Variants in PKHD1 observed in about 807,000 individuals in gnomAD.
The protein encoded by PKHD1 is fibrocystin.
A neutral mutation model predicts 412.0 loss-of-function variants in PKHD1; 291 were observed. The observed-to-expected ratio is 0.71, with a 90% confidence interval of 0.64 to 0.78. The LOEUF (loss-of-function observed/expected upper bound fraction) is 0.78. Ranked by LOEUF, PKHD1 falls within the 30% of genes least tolerant of loss-of-function variation. The pLI, the probability that PKHD1 is intolerant of heterozygous loss-of-function variation, is 0.00. For synonymous variants in PKHD1, 1,777 were observed against 1,821.5 expected (o/e 0.98, Z 0.62); for missense variants, 4,825 against 4,950.7 (o/e 0.97, Z 0.76).
chr6:52,052,994 TA>T, intron 21 of PKHD1, 81 bp downstream of exon 21: 53 of 1,313,576 alleles, frequency 4.0e-5, no homozygotes, highest in Non-Finnish European at 4.7e-5. Flanking sequence ...CTCTCCTCAT[TA>T]AAAAAAACAG....
At chr6:51,863,251 G>GTA (rs3062526) in intron 48 of PKHD1, among the ~76,000 whole-genome samples, 61,025 of 151,830 alleles carry the variant, frequency 0.4, 13,445 homozygotes, top group East Asian at 0.85. Context: ...AACATGTACT[G>GTA]TATATATGTC....
chr6:52,074,550 C>T (rs1811080978), intron 6 of PKHD1, among the ~76,000 whole-genome samples: 1 of 152,166 alleles, frequency 6.6e-6, no homozygotes, highest in African/African-American at 2.4e-5. Context: ...TTGACAGGCA[C>T]AATTTTAAAA....
intron 35 of PKHD1, among the ~76,000 whole-genome samples, chr6:51,964,791 CT>C (rs578099185): frequency 6.6e-6 from 1 of 151,840 alleles, no homozygotes. Context: ...CTTTATTTAC[CT>C]TTTTTGTGAC....
In PKHD1 at chr6:51,747,911, A is replaced by T. The variant is rs759568939; in HGVS notation, c.9705T>A (p.Asn3235Lys). 102 of 1,613,946 alleles carry T rather than the reference A, an allele frequency of 6.3e-5. 3 individuals are homozygous for T. In the South Asian group the frequency reaches 8.9e-4, roughly 14 times the overall value. ...NLTSTDRAPS[N>K]PRGGRIGILW... ...GAATACCAATTCGACCTCCTCTTGG[A>T]TTGGAGGGAGCTCTATCTGTTGATG... is the stretch of plus-strand genomic sequence containing the variant. Residue 3235 changes from asparagine (N) to lysine (K), a missense_variant, in exon 58 of 67, where the codon AAT (asparagine) becomes AAA (lysine). Transcript: ENST00000371117.
rs556634524 is a variant in PKHD1, at chr6:51,794,195, C to A, written c.8303-2822G>T. Among the ~76,000 whole-genome samples, 5 of 151,964 alleles carry A rather than the reference C, an allele frequency of 3.3e-5. No homozygotes were observed. In the East Asian group the frequency reaches 9.7e-4, roughly 29 times the overall value. On this transcript the variant is annotated intron_variant, in intron 52 of 66. Transcript: ENST00000371117. ...GGGACTACAGGTGTCCGCCACCGCG[C>A]CTTTTTTGACTTTTTAATAATAGCC...
intron 60 of PKHD1, among the ~76,000 whole-genome samples, chr6:51,718,337 C>T (rs1040613020): frequency 2.6e-5 from 4 of 152,152 alleles, no homozygotes; most frequent in East Asian, 1.9e-4. Context: ...TGAGGGGTGG[C>T]GTTCTCCTGT....
At chr6:52,082,355 C>A in intron 4 of PKHD1, 37 bp downstream of exon 4, 2 of 1,607,606 alleles carry the variant, frequency 1.2e-6, no homozygotes, top group Non-Finnish European at 8.5e-7. Context: ...AAAAATCCCT[C>A]ATCCTGTCTG....
At chr6:52,040,408 TG>T (rs1804661468) in intron 27 of PKHD1, among the ~76,000 whole-genome samples, 1 of 152,188 alleles carries the variant, frequency 6.6e-6, no homozygotes, top group South Asian at 2.1e-4. Flanking sequence ...CCGGTCTTGC[TG>T]GTTCCATCTT....
intron 46 of PKHD1, among the ~76,000 whole-genome samples, chr6:51,872,452 A>G (rs946790497): frequency 7.2e-5 from 11 of 151,970 alleles, no homozygotes; most frequent in African/African-American, 2.4e-4. Context: ...TCTGTTGCAC[A>G]GTCTGCAGTG....
At chr6:52,045,515 A>C (rs973040321) in intron 24 of PKHD1, among the ~76,000 whole-genome samples, 4 of 152,208 alleles carry the variant, frequency 2.6e-5, no homozygotes, top group Non-Finnish European at 5.9e-5. Flanking sequence ...ACACCATACA[A>C]CTAGGAAAAA....
chr6:51,758,581 G>A (rs368364673), intron 55 of PKHD1, among the ~76,000 whole-genome samples: 3 of 151,986 alleles, frequency 2.0e-5, no homozygotes, highest in Admixed American at 6.6e-5. Flanking sequence ...TTGTTGTTAT[G>A]AGCAAAACAT....
intron 48 of PKHD1, among the ~76,000 whole-genome samples, chr6:51,864,366 C>T (rs1774698537): frequency 6.6e-6 from 1 of 152,092 alleles, no homozygotes; most frequent in African/African-American, 2.4e-5. Context: ...GAGATTGAAA[C>T]ACCGAAAAAT....
At chr6:51,654,350 T>C (rs1335389907) in intron 61 of PKHD1, among the ~76,000 whole-genome samples, 3 of 152,118 alleles carry the variant, frequency 2.0e-5, no homozygotes, top group Non-Finnish European at 4.4e-5. Flanking sequence ...AATAGTTGAA[T>C]AAATGTTGTT....
rs145110197 is a variant in PKHD1 at position 51,816,039 on chromosome 6, G to C, written c.8302+14822C>G. 7.9e-5 allele frequency among the ~76,000 whole-genome samples: 12 copies of C among 152,162 alleles called. No homozygotes were observed. The East Asian group carries it at 2.3e-3, about 29-fold the overall frequency. On this transcript the variant is annotated intron_variant, in intron 52 of 66. Coordinates refer to ENST00000371117, the MANE Select transcript of PKHD1 (RefSeq NM_138694.4). ...ACAGTAATATGATATTAAAACTCAA[G>C]TAAGTGCCAAATATTCCTTTTCTGG...
At position 51,617,648 on chromosome 6, in the gene PKHD1, C is replaced by T. The variant is rs1766180034; in HGVS notation, c.*1433G>A. 6.6e-6 allele frequency: 1 copy of T among 152,076 alleles called. No individual in the cohort carries two copies. The highest frequency in any genetic ancestry group is 1.5e-5 in the Non-Finnish European group (1 of 68,034). 9.4% of individuals were successfully genotyped at this position (152,076 alleles called of 1,614,324 possible). On this transcript the variant is annotated 3_prime_UTR_variant, in exon 67 of 67. Transcript: ENST00000371117. ...CTCCTTTTAGGGACAGCCTGAAGAT[C>T]TGCAATACTCACCAGATGCCTAAAG...
intron 50 of PKHD1, among the ~76,000 whole-genome samples, chr6:51,846,185 C>CT (rs1771114872): frequency 6.6e-6 from 1 of 152,104 alleles, no homozygotes; most frequent in African/African-American, 2.4e-5. Flanking sequence ...TACGACAATC[C>CT]TTTTGGCAAA....
Position 51,748,530 on chromosome 6 carries a change from T to A in PKHD1, c.9086A>T (p.His3029Leu), listed in dbSNP as rs752390015. 6.2e-7 allele frequency: 1 copy of A among 1,613,880 alleles called. No individual in the cohort carries two copies. Reference sequence around the variant, plus strand: ...AAGTACTCCATGACTGGCAGCTGCATGAATGCCCCCGCCACAGCTCTGGTG... The same window carrying A: ...AAGTACTCCATGACTGGCAGCTGCAAGAATGCCCCCGCCACAGCTCTGGTG... ...TLHQSCGGGI[H>L]AAASHGVLLN... The change falls in exon 58 of 67, where the codon CAT becomes CTT. Residue 3029 changes from histidine (H) to leucine (L), a missense_variant. Transcript: ENST00000371117.
rs531781148 is a variant in PKHD1, at chr6:51,658,802, G to C, written c.11174+150C>G. ...TAGAATCTAAAAACTAAGAATTTAAGTCTTTAAATGACTCTTTGAATTTTT... is the reference window on the plus strand; with the variant it reads ...TAGAATCTAAAAACTAAGAATTTAACTCTTTAAATGACTCTTTGAATTTTT... On this transcript the variant is annotated intron_variant, in intron 61 of 66. Coordinates refer to ENST00000371117, the MANE Select transcript of PKHD1 (RefSeq NM_138694.4). 4 of 627,194 alleles carry C rather than the reference G, an allele frequency of 6.4e-6. No individual in the cohort carries two copies. The East Asian group carries it at 1.1e-4, about 17-fold the overall frequency. 38.9% of individuals were successfully genotyped at this position (627,194 alleles called of 1,614,324 possible).
chr6:51,961,908 T>C lies in PKHD1; in HGVS notation c.5752-1882A>G, dbSNP rs184824138. Among the ~76,000 whole-genome samples the C allele has an allele frequency of 4.6e-3, 698 of 152,224 alleles. 2 individuals carry two copies. The highest frequency in any genetic ancestry group is 0.017 in the Middle Eastern group (5 of 294). On this transcript the variant is annotated intron_variant, in intron 35 of 66. Transcript: ENST00000371117. ...CTTAGAGCTTAATAAAATGTAGATTTCTCTAGTGTCATCATATACCTGTGA... is the reference window on the plus strand; with the variant it reads ...CTTAGAGCTTAATAAAATGTAGATTCCTCTAGTGTCATCATATACCTGTGA...
Sources: allele counts gnomAD v4.1 joint callset (sites outside exome capture counted in the v4.1 genomes callset), GRCh38; gene constraint gnomAD v4.1.1; transcripts MANE v1.5; gene names NCBI Gene and HGNC (gene_info 2026-07-23, HGNC 2026-07-21).